Variants in PTPRM observed in about 807,000 individuals in gnomAD.
The protein encoded by PTPRM is receptor-type tyrosine-protein phosphatase mu.
Under a neutral mutation model 186.7 loss-of-function variants are expected in PTPRM, and 47 were observed. The ratio of observed to expected loss-of-function variants is 0.25; its 90% CI spans 0.20 to 0.32. PTPRM has a LOEUF of 0.32. Among genes scored for constraint, PTPRM ranks in the 10% least tolerant of loss-of-function variants. The pLI is 1.00. For missense variants in PTPRM, 1,494 were observed against 1,865.0 expected (o/e 0.80, Z 3.66); for synonymous variants, 668 against 674.9 (o/e 0.99, Z 0.16).
intron 14 of PTPRM, among the ~76,000 whole-genome samples, chr18:8,240,341 T>C (rs1601415338): frequency 6.6e-6 from 1 of 150,626 alleles, no homozygotes; most frequent in Non-Finnish European, 1.5e-5. Context: ...GAGGCTGAGG[T>C]AGGAGAATGG....
intron 1 of PTPRM, among the ~76,000 whole-genome samples, chr18:7,639,297 C>G (rs984961723): frequency 1.3e-5 from 2 of 151,830 alleles, no homozygotes; most frequent in Admixed American, 1.3e-4. Context: ...GTCTCGATCT[C>G]CTGACCTCGT....
intron 19 of PTPRM, among the ~76,000 whole-genome samples, chr18:8,284,500 A>G (rs923095981): frequency 1.3e-5 from 2 of 152,202 alleles, no homozygotes; most frequent in African/African-American, 4.8e-5. Flanking sequence ...ACTGTGAAAC[A>G]TTAGAGGAGT....
At chr18:7,736,219 A>G (rs549073533) in intron 1 of PTPRM, among the ~76,000 whole-genome samples, 1 of 152,320 alleles carries the variant, frequency 6.6e-6, no homozygotes, top group East Asian at 1.9e-4. Context: ...GGGCATAAGA[A>G]GGGTCACAAC....
chr18:7,794,187 G>T (rs1268290450), intron 2 of PTPRM, among the ~76,000 whole-genome samples: 1 of 152,196 alleles, frequency 6.6e-6, no homozygotes, highest in Non-Finnish European at 1.5e-5. Context: ...CTGGGATACA[G>T]AAATCCCTCT....
Position 7,897,567 on chromosome 18 carries a change from C to T in PTPRM, c.469-8938C>T, listed in dbSNP as rs993800510. Reference sequence around the variant, plus strand: ...TTGTCAGTTTAATATTGACTTAGAACTGTATTTAGGAAGTAGAACAATTTG... The same window carrying T: ...TTGTCAGTTTAATATTGACTTAGAATTGTATTTAGGAAGTAGAACAATTTG... On this transcript the variant is annotated intron_variant, in intron 3 of 32. Transcript: ENST00000580170. Among the ~76,000 whole-genome samples, 3 of 152,164 alleles carry T rather than the reference C, an allele frequency of 2.0e-5. No homozygotes were observed. The South Asian group carries it at 6.2e-4, about 32-fold the overall frequency.
intron 23 of PTPRM, among the ~76,000 whole-genome samples, chr18:8,367,749 G>A (rs1269293517): frequency 1.3e-5 from 2 of 152,228 alleles, no homozygotes; most frequent in African/African-American, 4.8e-5. Context: ...CAAAGAAACC[G>A]AGCTTTCAGT....
intron 7 of PTPRM, chr18:8,018,148 G>A (rs1418756644): frequency 6.6e-6 from 1 of 152,226 alleles, no homozygotes; most frequent in Non-Finnish European, 1.5e-5. Flanking sequence ...CCAGGCTGAA[G>A]TAACGGCATT....
intron 14 of PTPRM, among the ~76,000 whole-genome samples, chr18:8,210,348 CAG>C (rs1198260271): frequency 1.3e-5 from 2 of 151,962 alleles, no homozygotes; most frequent in East Asian, 1.9e-4. Flanking sequence ...AATTGAGACA[CAG>C]GGAGAGAATG....
chr18:8,378,185 A>G, intron 26 of PTPRM, 80 bp from the exon 27 acceptor site: 4 of 1,400,786 alleles, frequency 2.9e-6, no homozygotes, highest in Non-Finnish European at 4.0e-6. Context: ...TCTCTTGATG[A>G]TGTGGGGCTA....
In PTPRM at chr18:7,806,584, GA is replaced by G. The variant is rs149344614; in HGVS notation, c.196+32316del. Among the ~76,000 whole-genome samples the G allele has an allele frequency of 7.2e-5, 11 of 152,324 alleles. No homozygotes were observed. The South Asian group carries it at 1.7e-3, about 23-fold the overall frequency. On this transcript the variant is annotated intron_variant, in intron 2 of 32. Coordinates refer to ENST00000580170, the MANE Select transcript of PTPRM (RefSeq NM_001105244.2). ...GAGCAAAAAGGGCATCATTGTCTTG[GA>G]AAGATGGAGCCACAACCACATTCTG...
intron 5 of PTPRM, among the ~76,000 whole-genome samples, chr18:7,943,207 C>T (rs546470011): frequency 2.6e-5 from 4 of 152,080 alleles, no homozygotes; most frequent in Non-Finnish European, 4.4e-5. Context: ...TGTCATTCCC[C>T]CGCTCTTCTC....
intron 23 of PTPRM, among the ~76,000 whole-genome samples, chr18:8,370,235 A>G (rs970364001): frequency 6.6e-6 from 1 of 152,112 alleles, no homozygotes; most frequent in Non-Finnish European, 1.5e-5. Flanking sequence ...TTTCAAAAAT[A>G]TGACAGTGGA....
chr18:8,268,108 G>A (rs139877743), intron 19 of PTPRM, among the ~76,000 whole-genome samples: 24 of 152,202 alleles, frequency 1.6e-4, no homozygotes, highest in Admixed American at 1.2e-3. Context: ...TTCAGTCAGC[G>A]TTAGGAAAAA....
At chr18:7,598,537 A>T (rs1471383513) in intron 1 of PTPRM, among the ~76,000 whole-genome samples, 1 of 152,232 alleles carries the variant, frequency 6.6e-6, no homozygotes, top group African/African-American at 2.4e-5. Flanking sequence ...AATTTCTAGA[A>T]CCAAGTAACA....
intron 19 of PTPRM, among the ~76,000 whole-genome samples, chr18:8,255,252 A>T (rs189487577): frequency 1.3e-5 from 2 of 152,244 alleles, no homozygotes; most frequent in African/African-American, 4.8e-5. Flanking sequence ...TATTACTGAA[A>T]TGTTTATTAA....
intron 1 of PTPRM, among the ~76,000 whole-genome samples, chr18:7,573,995 G>T (rs1445715059): frequency 6.6e-6 from 1 of 152,172 alleles, no homozygotes; most frequent in Non-Finnish European, 1.5e-5. Context: ...GCAACCCTGG[G>T]GATGAGGCCC....
intron 13 of PTPRM, among the ~76,000 whole-genome samples, chr18:8,131,879 A>G (rs2092519703): frequency 6.6e-6 from 1 of 152,228 alleles, no homozygotes; most frequent in African/African-American, 2.4e-5. Context: ...GCACCTGCCT[A>G]GGAGTTAATA....
At chr18:7,713,308 C>T (rs1001501106) in intron 1 of PTPRM, among the ~76,000 whole-genome samples, 5 of 152,090 alleles carry the variant, frequency 3.3e-5, no homozygotes, top group African/African-American at 1.2e-4. Flanking sequence ...CCTTTACAGA[C>T]AAGCAAATGC....
chr18:8,155,827 G>A (rs1269315447), intron 14 of PTPRM, among the ~76,000 whole-genome samples: 4 of 152,204 alleles, frequency 2.6e-5, no homozygotes, highest in African/African-American at 9.6e-5. Flanking sequence ...TGTGACTTCT[G>A]TGTGGAAAAT....
Sources: gnomAD v4.1 joint callset for allele counts (sites outside exome capture counted in the v4.1 genomes callset) on GRCh38, gnomAD v4.1.1 for gene constraint, MANE v1.5 for transcripts, NCBI Gene and HGNC (gene_info 2026-07-23, HGNC 2026-07-21) for gene names.